ZNF76: variants seen among roughly 807,000 people sequenced by gnomAD.
ZNF76 encodes zinc finger protein 76.
A neutral mutation model predicts 66.9 loss-of-function variants in ZNF76; 66 were observed. That is an observed-to-expected ratio of 0.99 (90% confidence interval 0.81 to 1.21). ZNF76 has a LOEUF of 1.21. Ranked by LOEUF, ZNF76 falls within the 50% of genes most tolerant of loss-of-function variation. The pLI, the probability that ZNF76 is intolerant of heterozygous loss-of-function variation, is 0.00. For synonymous variants in ZNF76, 275 were observed against 296.1 expected, an observed-to-expected ratio of 0.93 and a Z score of 0.73; for missense variants, 729 against 760.3, an observed-to-expected ratio of 0.96 and a Z score of 0.48.
chr6:35,275,104 G>A (rs532800658), intron 1 of ZNF76, among the ~76,000 whole-genome samples: 5 of 152,058 alleles, frequency 3.3e-5, no homozygotes, highest in African/African-American at 4.8e-5. Context: ...GCAGTGAGCC[G>A]AGATTGTGTC....
intron 12 of ZNF76, 40 bp downstream of exon 12, chr6:35,293,955 A>T (rs758954795): frequency 1.1e-4 from 175 of 1,605,916 alleles, no homozygotes; most frequent in Non-Finnish European, 1.5e-4. Flanking sequence ...TTATTTTGTC[A>T]TTCCTTTCCA....
Position 35,291,607 on chromosome 6 carries a change from C to T in ZNF76, c.801C>T (p.Thr267=), listed in dbSNP as rs757879023. The part of the protein sequence containing the change: ...CPFEGCGRSF[T]TSNIRKVHVR... ...TTGAGGGCTGTGGCCGCTCCTTCAC[C>T]ACATCTAACATCCGCAAGGTACATG... Residue 267 remains threonine (T), a synonymous_variant, in exon 9 of 14, where the codon ACC becomes ACT. Coordinates refer to ENST00000373953, the MANE Select transcript of ZNF76 (RefSeq NM_003427.5). The T allele has an allele frequency of 6.2e-7, 1 of 1,614,056 alleles. No individual in the cohort carries two copies. The highest frequency in any genetic ancestry group is 1.1e-5 in the South Asian group (1 of 91,086).
chr6:35,284,619 T>C (rs1187776977), intron 2 of ZNF76, among the ~76,000 whole-genome samples: 1 of 152,146 alleles, frequency 6.6e-6, no homozygotes, highest in Admixed American at 6.6e-5. Flanking sequence ...TAGGCTGGTC[T>C]CAAACTCCTG....
At chr6:35,278,030 G>GT (rs1181748150) in intron 1 of ZNF76, among the ~76,000 whole-genome samples, 1 of 151,930 alleles carries the variant, frequency 6.6e-6, no homozygotes, top group Admixed American at 6.6e-5. Flanking sequence ...CTAATTTTTT[G>GT]TATTTTTAGT....
chr6:35,266,957 C>T (rs527864799), intron 1 of ZNF76, among the ~76,000 whole-genome samples: 28 of 151,824 alleles, frequency 1.8e-4, no homozygotes, highest in East Asian at 9.7e-4. Context: ...CCCACCACCG[C>T]GCCCGGCTAA....
intron 1 of ZNF76, among the ~76,000 whole-genome samples, chr6:35,272,536 C>G (rs1787259333): frequency 6.6e-6 from 1 of 151,156 alleles, no homozygotes; most frequent in Non-Finnish European, 1.5e-5. Context: ...TATATATATC[C>G]AAGAGGTAGT....
At chr6:35,274,190 T>C (rs1430663323) in intron 1 of ZNF76, among the ~76,000 whole-genome samples, 1 of 152,270 alleles carries the variant, frequency 6.6e-6, no homozygotes, top group Non-Finnish European at 1.5e-5. Flanking sequence ...AAGAAGTTTC[T>C]AAGTGAAGAT....
At chr6:35,261,312 A>G (rs1581995128) in intron 1 of ZNF76, among the ~76,000 whole-genome samples, 1 of 152,258 alleles carries the variant, frequency 6.6e-6, no homozygotes, top group East Asian at 1.9e-4. Context: ...TGTTGCTACT[A>G]CTGACATCTT....
chr6:35,295,204 G>C lies in ZNF76; in HGVS notation c.1669G>C (p.Gly557Arg). The C allele has an allele frequency of 6.2e-7, 1 of 1,611,860 alleles. No homozygotes were observed. ...TGTGGCCACTGCGGCCATGCAGCAAGGGGCTGTGACCCTGGAGACAACAGT... is the reference window on the plus strand; with the variant it reads ...TGTGGCCACTGCGGCCATGCAGCAACGGGCTGTGACCCTGGAGACAACAGT... ...INVATAAMQQ[G>R]AVTLETTVSE... is the part of the protein sequence containing the mutation. The change falls in exon 14 of 14, where the codon GGG becomes CGG. Residue 557 changes from glycine (G) to arginine (R), a missense_variant. By Grantham distance (125) the Gly-to-Arg change is moderately radical. Coordinates refer to ENST00000373953, the MANE Select transcript of ZNF76 (RefSeq NM_003427.5).
intron 1 of ZNF76, among the ~76,000 whole-genome samples, chr6:35,274,964 C>G (rs1333573338): frequency 6.6e-5 from 10 of 151,984 alleles, no homozygotes; most frequent in Non-Finnish European, 1.5e-4. Context: ...ATCAGCCTAA[C>G]CAACATGGTG....
At position 35,287,893 on chromosome 6, in the gene ZNF76, C is replaced by G; in HGVS notation, c.432+48C>G. On this transcript the variant is annotated intron_variant, in intron 5 of 13. Coordinates refer to ENST00000373953, the MANE Select transcript of ZNF76 (RefSeq NM_003427.5). This position sits in a 1 kb window ranked among gnomAD's most constrained non-coding sequence, Gnocchi z 4.0. ...GGTCTGTCACTCTAGACAACCGGGC[C>G]TGGCCTGCGCACTGCCTCTTGGCCC... 1.3e-6 allele frequency: 2 copies of G among 1,543,446 alleles called. No individual in the cohort carries two copies. Among genetic ancestry groups the G allele is most frequent in the African/African-American group, 1.4e-5 (1 of 73,086 alleles).
chr6:35,264,442 T>TA lies in ZNF76; in HGVS notation c.-97+4602dup, dbSNP rs544803420. 1.8e-3 allele frequency among the ~76,000 whole-genome samples: 280 copies of TA among 152,280 alleles called. 3 individuals are homozygous for TA. Among genetic ancestry groups the TA allele is most frequent in the African/African-American group, 6.3e-3 (260 of 41,554 alleles). On this transcript the variant is annotated intron_variant, in intron 1 of 13. Coordinates refer to ENST00000373953, the MANE Select transcript of ZNF76 (RefSeq NM_003427.5). ...TCTCAAGAAAACAGCTAGTTTGAAA[T>TA]ATTTAGTGTGGGTTGCAGAGACGAT...
intron 5 of ZNF76, among the ~76,000 whole-genome samples, chr6:35,288,709 C>T (rs528990816): frequency 2.6e-5 from 4 of 152,328 alleles, no homozygotes; most frequent in African/African-American, 9.6e-5. Flanking sequence ...GTAATCCCAG[C>T]ACTTTGGGAG....
chr6:35,286,276 C>T (rs1162764898), intron 3 of ZNF76, 46 bp from the exon 4 acceptor site: 2 of 1,613,298 alleles, frequency 1.2e-6, no homozygotes, highest in East Asian at 2.2e-5. Context: ...GGGACCCCTC[C>T]ATGGCACTGA....
chr6:35,293,607 G>A (rs944421809), intron 11 of ZNF76, 144 bp from the exon 12 acceptor site: 45 of 928,594 alleles, frequency 4.8e-5, no homozygotes, highest in Non-Finnish European at 6.5e-6. Context: ...GACCCATTTT[G>A]TTTGCCTGTC....
chr6:35,291,980 C>T (rs181719181), intron 9 of ZNF76: 49 of 575,922 alleles, frequency 8.5e-5, no homozygotes, highest in Middle Eastern at 3.7e-4. Context: ...CAGCTCCCTA[C>T]CACCCCTCTA....
chr6:35,269,124 T>G (rs1313195359), intron 1 of ZNF76, among the ~76,000 whole-genome samples: 1 of 151,308 alleles, frequency 6.6e-6, no homozygotes, highest in Non-Finnish European at 1.5e-5. Flanking sequence ...CTACTAAAAA[T>G]ACAAAAATTT....
At chr6:35,274,009 T>C (rs879785511) in intron 1 of ZNF76, among the ~76,000 whole-genome samples, 4 of 152,230 alleles carry the variant, frequency 2.6e-5, no homozygotes, top group Non-Finnish European at 4.4e-5. Flanking sequence ...GCCTGTTCAC[T>C]AGGTTTTTCT....
rs761207709 is a variant in ZNF76, at chr6:35,293,928, G to A, written c.1494+13G>A. 11 of 1,612,566 alleles carry A rather than the reference G, an allele frequency of 6.8e-6. No individual in the cohort carries two copies. Among genetic ancestry groups the A allele is most frequent in the South Asian group, 3.3e-5 (3 of 91,002 alleles). ...CCAGACGCAGCCCGTATGACCAGGC[G>A]GTTTGCTTGGGGTTTCTTATTTTGT... is the stretch of plus-strand genomic sequence containing the variant. On this transcript the variant is annotated intron_variant, in intron 12 of 13. Coordinates refer to ENST00000373953, the MANE Select transcript of ZNF76 (RefSeq NM_003427.5).
Sources: allele counts gnomAD v4.1 joint callset (sites outside exome capture counted in the v4.1 genomes callset), GRCh38; gene constraint gnomAD v4.1.1; non-coding constraint Gnocchi (gnomAD v3.1); transcripts MANE v1.5; gene names NCBI Gene and HGNC (gene_info 2026-07-23, HGNC 2026-07-21).